The following SPMIP2 variants were observed in gnomAD, a reference collection of about 807,000 sequenced individuals.
SPMIP2 encodes the protein protein SPMIP2.
chr4:159,011,427 G>T, the SPMIP2 span, among the ~76,000 whole-genome samples: 1 of 152,182 alleles, frequency 6.6e-6, no homozygotes, highest in Non-Finnish European at 1.5e-5. Flanking sequence ...TTAGGGTTTT[G>T]TAATTTTCTC....
chr4:159,026,187 G>A, the SPMIP2 span: 1 of 447,428 alleles, frequency 2.2e-6, no homozygotes, highest in South Asian at 2.0e-5. Flanking sequence ...ATGAATACGT[G>A]AAGGAACTAG....
At chr4:158,992,482 G>A in the SPMIP2 span, among the ~76,000 whole-genome samples, 1 of 152,130 alleles carries the variant, frequency 6.6e-6, no homozygotes, top group East Asian at 1.9e-4. Context: ...TGTGAGAGTA[G>A]ATATTTATCT....
At chr4:158,988,861 A>G in the SPMIP2 span, among the ~76,000 whole-genome samples, 1 of 152,228 alleles carries the variant, frequency 6.6e-6, no homozygotes, top group Admixed American at 6.6e-5. Flanking sequence ...CTCCTATTCA[A>G]TGTAGTATTG....
At chr4:158,991,649 T>A in the SPMIP2 span, among the ~76,000 whole-genome samples, 1 of 152,222 alleles carries the variant, frequency 6.6e-6, no homozygotes, top group African/African-American at 2.4e-5. Context: ...TTCAATTTTA[T>A]TTGCTTCAGG....
the SPMIP2 span, among the ~76,000 whole-genome samples, chr4:159,037,981 T>TTC: frequency 5.4e-4 from 80 of 148,116 alleles, no homozygotes; most frequent in African/African-American, 1.3e-3. Flanking sequence ...CTCTCTCTCT[T>TTC]TCTCTCTCTC....
At chr4:158,956,196 CT>C in the SPMIP2 span, among the ~76,000 whole-genome samples, 7 of 152,276 alleles carry the variant, frequency 4.6e-5, no homozygotes, top group Non-Finnish European at 1.5e-5. Context: ...GGCTCAGTCC[CT>C]TTCATTTCTC....
chr4:159,008,133 G>A, the SPMIP2 span, among the ~76,000 whole-genome samples: 1 of 152,086 alleles, frequency 6.6e-6, no homozygotes, highest in Non-Finnish European at 1.5e-5. Context: ...GAGGTTTCTA[G>A]GACATTACCT....
chr4:159,010,099 C>A, the SPMIP2 span, among the ~76,000 whole-genome samples: 2 of 152,174 alleles, frequency 1.3e-5, no homozygotes, highest in African/African-American at 4.8e-5. Flanking sequence ...TAAACATATG[C>A]CCTGATGTAT....
the SPMIP2 span, among the ~76,000 whole-genome samples, chr4:158,965,535 T>C: frequency 2.6e-5 from 4 of 152,182 alleles, no homozygotes; most frequent in South Asian, 4.1e-4. Flanking sequence ...TGTTGTTAAT[T>C]CTAAGGTTAG....
the SPMIP2 span, among the ~76,000 whole-genome samples, chr4:159,075,381 A>G: frequency 3.3e-5 from 5 of 152,242 alleles, no homozygotes; most frequent in African/African-American, 1.2e-4. Context: ...AGTATTGTGT[A>G]AACAAAATCT....
the SPMIP2 span, among the ~76,000 whole-genome samples, chr4:159,057,944 A>G: frequency 7.2e-5 from 11 of 151,958 alleles, no homozygotes; most frequent in East Asian, 1.7e-3. Flanking sequence ...GGCTCACCGC[A>G]GCCTCAACCT....
the SPMIP2 span, among the ~76,000 whole-genome samples, chr4:158,993,871 T>C: frequency 6.6e-6 from 1 of 152,208 alleles, no homozygotes; most frequent in Admixed American, 6.5e-5. Flanking sequence ...TGAAATAACA[T>C]GAAATAATTT....
the SPMIP2 span, among the ~76,000 whole-genome samples, chr4:158,970,422 C>T: frequency 6.6e-6 from 1 of 152,026 alleles, no homozygotes; most frequent in African/African-American, 2.4e-5. Context: ...TGCCTGTAGT[C>T]TCAGCTACTC....
chr4:159,052,520 G>C, the SPMIP2 span, among the ~76,000 whole-genome samples: 2 of 152,104 alleles, frequency 1.3e-5, no homozygotes, highest in Admixed American at 1.3e-4. Context: ...GAAGTTTTGT[G>C]GTTGGAACTT....
At chr4:158,912,023 G>T in the SPMIP2 span, among the ~76,000 whole-genome samples, 4 of 151,890 alleles carry the variant, frequency 2.6e-5, no homozygotes, top group African/African-American at 9.7e-5. Context: ...ATGTATTATT[G>T]TATGAAGGAA....
chr4:158,983,757 T>C, the SPMIP2 span, among the ~76,000 whole-genome samples: 6 of 18,950 alleles, frequency 3.2e-4, no homozygotes, highest in South Asian at 0.011. Flanking sequence ...AATAACCAGC[T>C]AACATCATAA....
At chr4:159,065,471 A>C in the SPMIP2 span, among the ~76,000 whole-genome samples, 1 of 152,178 alleles carries the variant, frequency 6.6e-6, no homozygotes, top group Non-Finnish European at 1.5e-5. Context: ...TAATCCCAGC[A>C]CTTTGGGAGG....
chr4:158,953,667 T>C, the SPMIP2 span, among the ~76,000 whole-genome samples: 2 of 152,248 alleles, frequency 1.3e-5, no homozygotes, highest in South Asian at 4.1e-4. Context: ...AGACACTCAA[T>C]GCCAGCCTGG....
chr4:158,954,996 A>G, the SPMIP2 span, among the ~76,000 whole-genome samples: 1 of 152,332 alleles, frequency 6.6e-6, no homozygotes, highest in Middle Eastern at 3.4e-3. Flanking sequence ...AGGTATACAT[A>G]AGGAAACACC....
Sources: allele counts gnomAD v4.1 joint callset (sites outside exome capture counted in the v4.1 genomes callset), GRCh38; gene constraint gnomAD v4.1.1; transcripts MANE v1.5; gene names NCBI Gene and HGNC (gene_info 2026-07-23, HGNC 2026-07-21).